TMEM203: variants seen among roughly 807,000 people sequenced by gnomAD.
The protein encoded by TMEM203 is HBeAg-binding protein 1.
Under a neutral mutation model 7.9 loss-of-function variants are expected in TMEM203, and 4 were observed. That is an observed-to-expected ratio of 0.51 (90% CI 0.25 to 1.16). The LOEUF (loss-of-function observed/expected upper bound fraction) is 1.16. TMEM203 is among the 50% of genes most tolerant of loss of function. The pLI is 0.15. For missense variants in TMEM203, 127 were observed against 174.4 expected (o/e 0.73, Z 1.53); for synonymous variants, 92 against 82.5 (o/e 1.11, Z -0.62).
In TMEM203 at chr9:137,205,622, C is replaced by T. The variant is rs530453032; in HGVS notation, c.-208G>A. On this transcript the variant is annotated 5_prime_UTR_variant, in exon 1 of 1. Coordinates refer to ENST00000343666, the MANE Select transcript of TMEM203 (RefSeq NM_053045.2). ...TCAACCCTGGCCGCCCGTGAACGCCCGCCTCGATCGGACGCCATGCCCCCA... is the reference window on the plus strand; with the variant it reads ...TCAACCCTGGCCGCCCGTGAACGCCTGCCTCGATCGGACGCCATGCCCCCA... 5 of 1,357,778 alleles carry T rather than the reference C, an allele frequency of 3.7e-6. No homozygotes were observed. The African/African-American group carries it at 5.9e-5, about 16-fold the overall frequency. The allele number at this position is 1,357,778 out of a possible 1,614,324, so 84.1% of individuals were successfully genotyped here.
Position 137,205,136 on chromosome 9 carries a change from G to C in TMEM203, c.279C>G (p.Leu93=), listed in dbSNP as rs775591653. 2.5e-6 allele frequency: 4 copies of C among 1,612,944 alleles called. No individual in the cohort carries two copies. The highest frequency in any genetic ancestry group is 3.4e-6 in the Non-Finnish European group (4 of 1,179,994). ...RLFWVLTVLS[L]KFVFEMLLCQ... ...ACAACAGCATCTCGAAGACGAACTT[G>C]AGACTCAGGACCGTAAGTACCCAGA... Residue 93 remains leucine, a synonymous_variant, in exon 1 of 1, where the codon CTC becomes CTG. Coordinates refer to ENST00000343666, the MANE Select transcript of TMEM203 (RefSeq NM_053045.2).
At position 137,204,825 on chromosome 9, in the gene TMEM203, C is replaced by T; in HGVS notation, c.*179G>A. 2.6e-6 allele frequency: 2 copies of T among 758,804 alleles called. No homozygotes were observed. The highest frequency in any genetic ancestry group is 1.8e-5 in the African/African-American group (1 of 56,910). 47.0% of individuals were successfully genotyped at this position (758,804 alleles called of 1,614,324 possible). ...TCAGGATGAAGGCTGCTCTTTTAAG[C>T]CCTGCTGAAGAAACCATTTCAAACA... On this transcript the variant is annotated 3_prime_UTR_variant, in exon 1 of 1. Transcript: ENST00000343666.
In TMEM203 at chr9:137,205,607, C is replaced by T; in HGVS notation, c.-193G>A. On this transcript the variant is annotated 5_prime_UTR_variant, in exon 1 of 1. Coordinates refer to ENST00000343666, the MANE Select transcript of TMEM203 (RefSeq NM_053045.2). ...GCCCCGACCCGGGACTCAACCCTGG[C>T]CGCCCGTGAACGCCCGCCTCGATCG... 9 of 1,298,784 alleles carry T rather than the reference C, an allele frequency of 6.9e-6. No homozygotes were observed. Among genetic ancestry groups the T allele is most frequent in the Non-Finnish European group, 9.4e-6 (9 of 957,298 alleles). 80.5% of individuals were successfully genotyped at this position (1,298,784 alleles called of 1,614,324 possible). A position where few individuals can be genotyped will look rare whatever the true frequency, so the allele number is the denominator to read the frequency against.
In TMEM203 at chr9:137,204,783, C is replaced by T. The variant is rs1230797344; in HGVS notation, c.*221G>A. 3 of 634,562 alleles carry T rather than the reference C, an allele frequency of 4.7e-6. No homozygotes were observed. The highest frequency in any genetic ancestry group is 3.7e-5 in the African/African-American group (2 of 54,692). The allele number at this position is 634,562 out of a possible 1,614,324, so 39.3% of individuals were successfully genotyped here. ...AGGATTATCTACTCAAAGCATTAAA[C>T]AAAAGGAAATACATTTTCAGGATGA... On this transcript the variant is annotated 3_prime_UTR_variant, in exon 1 of 1. Coordinates refer to ENST00000343666, the MANE Select transcript of TMEM203 (RefSeq NM_053045.2).
At position 137,205,240 on chromosome 9, in the gene TMEM203, G is replaced by A; in HGVS notation, c.175C>T (p.Leu59Phe). ...ACGATGGTGGTGAAGTAGGTGCTGAGCCCGTCAGCGGCGAAGAAAGGCACG... is the reference window on the plus strand; with the variant it reads ...ACGATGGTGGTGAAGTAGGTGCTGAACCCGTCAGCGGCGAAGAAAGGCACG... ...VFVPFFAADGLSTYFTTIVSV... is the reference protein window; with the variant it reads ...VFVPFFAADGFSTYFTTIVSV... The change falls in exon 1 of 1, where the codon CTC (leucine) becomes TTC (phenylalanine). Residue 59 changes from leucine to phenylalanine, a missense_variant. Leu to Phe is a conservative substitution (Grantham distance 22). Transcript: ENST00000343666. 1 of 1,611,736 alleles carries A rather than the reference G, an allele frequency of 6.2e-7. No individual in the cohort carries two copies. The highest frequency in any genetic ancestry group is 8.5e-7 in the Non-Finnish European group (1 of 1,179,386).
Position 137,205,188 on chromosome 9 carries a change from T to C in TMEM203, c.227A>G (p.Glu76Gly), listed in dbSNP as rs1834898369. 4 of 1,612,442 alleles carry C rather than the reference T, an allele frequency of 2.5e-6. No homozygotes were observed. Among genetic ancestry groups the C allele is most frequent in the Non-Finnish European group, 3.4e-6 (4 of 1,179,832 alleles). Residue 76 changes from glutamate to glycine, a missense_variant, in exon 1 of 1, where the codon GAG becomes GGG. Transcript: ENST00000343666. ...IVSVRLFQDGEKRLAVLRLFW... is the reference protein window; with the variant it reads ...IVSVRLFQDGGKRLAVLRLFW... ...AAGGCGGAGCACCGCCAGCCGCTTC[T>C]CTCCATCCTGGAAGAGGCGCACGGA...
Position 137,205,049 on chromosome 9 carries a change from G to A in TMEM203, c.366C>T (p.Phe122=), listed in dbSNP as rs373485185. The part of the protein sequence containing the change: ...LWFGLITSPL[F]ILLQLLMIRA... The stretch of plus-strand genomic sequence containing the variant: ...GGATCATGAGCAGCTGCAGGAGAAT[G>A]AAGAGCGGGGACGTAATGAGGCCGA... The change falls in exon 1 of 1, where the codon TTC becomes TTT. Residue 122 remains phenylalanine (F), a synonymous_variant. Coordinates refer to ENST00000343666, the MANE Select transcript of TMEM203 (RefSeq NM_053045.2). 9 of 1,612,532 alleles carry A rather than the reference G, an allele frequency of 5.6e-6. No individual in the cohort carries two copies. The highest frequency in any genetic ancestry group is 4.0e-5 in the African/African-American group (3 of 74,940).
At position 137,205,043 on chromosome 9, in the gene TMEM203, G is replaced by A. The variant is rs369971139; in HGVS notation, c.372C>T (p.Leu124=). The A allele has an allele frequency of 1.9e-6, 3 of 1,612,070 alleles. No homozygotes were observed. Among genetic ancestry groups the A allele is most frequent in the Non-Finnish European group, 2.5e-6 (3 of 1,179,398 alleles). Residue 124 remains leucine (L), a synonymous_variant, in exon 1 of 1, where the codon CTC becomes CTT. Coordinates refer to ENST00000343666, the MANE Select transcript of TMEM203 (RefSeq NM_053045.2). ...AGGCGCGGATCATGAGCAGCTGCAG[G>A]AGAATGAAGAGCGGGGACGTAATGA... is the stretch of plus-strand genomic sequence containing the variant. The part of the protein sequence containing the change: ...FGLITSPLFI[L]LQLLMIRACR...
Position 137,205,333 on chromosome 9 carries a change from C to T in TMEM203, c.82G>A (p.Val28Met), listed in dbSNP as rs1834902868. 6.2e-7 allele frequency: 1 copy of T among 1,609,746 alleles called. No individual in the cohort carries two copies. Among genetic ancestry groups the T allele is most frequent in the Non-Finnish European group, 8.5e-7 (1 of 1,178,562 alleles). The change falls in exon 1 of 1, where the codon GTG becomes ATG. Residue 28 changes from valine to methionine, a missense_variant. By Grantham distance (21) the Val-to-Met change is conservative (BLOSUM62 1). Coordinates refer to ENST00000343666, the MANE Select transcript of TMEM203 (RefSeq NM_053045.2). ...CGCAGTGCCAGCAGCACAGAGAACACCAACAGGGCCAGCAGGTGCACGAAG... is the reference window on the plus strand; with the variant it reads ...CGCAGTGCCAGCAGCACAGAGAACATCAACAGGGCCAGCAGGTGCACGAAG... The part of the protein sequence containing the change: ...EIFVHLLALL[V>M]FSVLLALRVD...
Position 137,204,684 on chromosome 9 carries a change from CTTATA to C in TMEM203, c.*315_*319del, listed in dbSNP as rs1354260267. 3 of 280,730 alleles carry C rather than the reference CTTATA, an allele frequency of 1.1e-5. No individual in the cohort carries two copies. Among genetic ancestry groups the C allele is most frequent in the African/African-American group, 2.2e-5 (1 of 46,308 alleles). The allele number at this position is 280,730 out of a possible 1,614,324, so 17.4% of individuals were successfully genotyped here. ...ACTCAGAGTCCACCTGGACATTTTA[CTTATA>C]TTCAGTTTCCAAGTGTCAGAGGGGT... On this transcript the variant is annotated 3_prime_UTR_variant, in exon 1 of 1. Coordinates refer to ENST00000343666, the MANE Select transcript of TMEM203 (RefSeq NM_053045.2).
rs1439362999 is a variant in TMEM203 at position 137,205,261 on chromosome 9, GCACGAA to G, written c.148_153del (p.Phe50_Val51del). ...CTGAGCCCGTCAGCGGCGAAGAAAG[GCACGAA>G]CACGTTCCACCAGGAGAGGCCCGGG... On this transcript the variant is annotated inframe_deletion, in exon 1 of 1. Transcript: ENST00000343666. The G allele has an allele frequency of 6.2e-7, 1 of 1,611,380 alleles. No individual in the cohort carries two copies. The highest frequency in any genetic ancestry group is 8.5e-7 in the Non-Finnish European group (1 of 1,179,284).
chr9:137,204,776 C>T lies in TMEM203; in HGVS notation c.*228G>A, dbSNP rs1834886711. Reference sequence around the variant, plus strand: ...TCAATTCAGGATTATCTACTCAAAGCATTAAACAAAAGGAAATACATTTTC... The same window carrying T: ...TCAATTCAGGATTATCTACTCAAAGTATTAAACAAAAGGAAATACATTTTC... On this transcript the variant is annotated 3_prime_UTR_variant, in exon 1 of 1. Transcript: ENST00000343666. 1.6e-6 allele frequency: 1 copy of T among 611,818 alleles called. No homozygotes were observed. 37.9% of individuals were successfully genotyped at this position (611,818 alleles called of 1,614,324 possible). A position where few individuals can be genotyped will look rare whatever the true frequency, so the allele number is the denominator to read the frequency against.
In TMEM203 at chr9:137,204,873, C is replaced by T; in HGVS notation, c.*131G>A. 2.4e-6 allele frequency: 3 copies of T among 1,251,976 alleles called. No individual in the cohort carries two copies. The highest frequency in any genetic ancestry group is 3.2e-6 in the Non-Finnish European group (3 of 927,844). 77.6% of individuals were successfully genotyped at this position (1,251,976 alleles called of 1,614,324 possible). The stretch of plus-strand genomic sequence containing the variant: ...ACAGGATTGGAATAGGGAAACCCGG[C>T]ACTCAGCTCGGCGCAAGCCGGCGGT... On this transcript the variant is annotated 3_prime_UTR_variant, in exon 1 of 1. Transcript: ENST00000343666.
rs1288873223 is a variant in TMEM203, at chr9:137,204,539, A to C, written c.*465T>G. On this transcript the variant is annotated 3_prime_UTR_variant, in exon 1 of 1. Coordinates refer to ENST00000343666, the MANE Select transcript of TMEM203 (RefSeq NM_053045.2). ...TAGATCTAACAAAGGCATCTACCGA[A>C]GTCTGGTCTGGATAGACGGCACAGG... The C allele has an allele frequency of 6.3e-6, 1 of 157,872 alleles. No individual in the cohort carries two copies. The highest frequency in any genetic ancestry group is 2.4e-5 in the African/African-American group (1 of 41,550). 9.8% of individuals were successfully genotyped at this position (157,872 alleles called of 1,614,324 possible).
chr9:137,205,055 C>G lies in TMEM203; in HGVS notation c.360G>C (p.Pro120=). 6.2e-7 allele frequency: 1 copy of G among 1,612,738 alleles called. No individual in the cohort carries two copies. Among genetic ancestry groups the G allele is most frequent in the Non-Finnish European group, 8.5e-7 (1 of 1,179,868 alleles). The change falls in exon 1 of 1, where the codon CCG becomes CCC. Residue 120 remains proline, a synonymous_variant. Transcript: ENST00000343666. The stretch of plus-strand genomic sequence containing the variant: ...TGAGCAGCTGCAGGAGAATGAAGAG[C>G]GGGGACGTAATGAGGCCGAACCAGA... ...RELWFGLITS[P]LFILLQLLMI... is the part of the protein sequence containing the mutation.
rs1254403598 is a variant in TMEM203 at position 137,204,906 on chromosome 9, G to C, written c.*98C>G. On this transcript the variant is annotated 3_prime_UTR_variant, in exon 1 of 1. Transcript: ENST00000343666. ...TCGGCGCAAGCCGGCGGTGCCTTCA[G>C]ACTAGAGAGCCTCTCCTCCGGTGCG... The C allele has an allele frequency of 2.7e-6, 4 of 1,463,690 alleles. No homozygotes were observed. The highest frequency in any genetic ancestry group is 1.4e-5 in the African/African-American group (1 of 70,632). 90.7% of individuals were successfully genotyped at this position (1,463,690 alleles called of 1,614,324 possible).
At position 137,205,306 on chromosome 9, in the gene TMEM203, C is replaced by T; in HGVS notation, c.109G>A (p.Val37Met). ...LVFSVLLALRVDGLVPGLSWW... is the reference protein window; with the variant it reads ...LVFSVLLALRMDGLVPGLSWW... Reference sequence around the variant, plus strand: ...GAGAGGCCCGGGACCAGGCCATCCACACGCAGTGCCAGCAGCACAGAGAAC... The same window carrying T: ...GAGAGGCCCGGGACCAGGCCATCCATACGCAGTGCCAGCAGCACAGAGAAC... The change falls in exon 1 of 1, where the codon GTG becomes ATG. Residue 37 changes from valine to methionine, a missense_variant. By Grantham distance (21) the Val-to-Met change is conservative (BLOSUM62 1). Coordinates refer to ENST00000343666, the MANE Select transcript of TMEM203 (RefSeq NM_053045.2). 3 of 1,611,182 alleles carry T rather than the reference C, an allele frequency of 1.9e-6. No homozygotes were observed. The highest frequency in any genetic ancestry group is 2.5e-6 in the Non-Finnish European group (3 of 1,179,096).
In TMEM203 at chr9:137,204,746, T is replaced by C; in HGVS notation, c.*258A>G. The C allele has an allele frequency of 4.0e-6, 2 of 498,544 alleles. No individual in the cohort carries two copies. The highest frequency in any genetic ancestry group is 7.0e-6 in the Non-Finnish European group (2 of 283,764). 30.9% of individuals were successfully genotyped at this position (498,544 alleles called of 1,614,324 possible). ...CTGTCTGGCCTGGGGGGCCTCCTCATGACCTCAATTCAGGATTATCTACTC... is the reference window on the plus strand; with the variant it reads ...CTGTCTGGCCTGGGGGGCCTCCTCACGACCTCAATTCAGGATTATCTACTC... On this transcript the variant is annotated 3_prime_UTR_variant, in exon 1 of 1. Coordinates refer to ENST00000343666, the MANE Select transcript of TMEM203 (RefSeq NM_053045.2).
In TMEM203 at chr9:137,205,416, G is replaced by C; in HGVS notation, c.-2C>G. 6.4e-7 allele frequency: 1 copy of C among 1,557,668 alleles called. No homozygotes were observed. ...CAGCTCCCGGAGCGAGAAGAGCATCGCGCCCGTTGAGCGCGGGCCGGGGCC... is the reference window on the plus strand; with the variant it reads ...CAGCTCCCGGAGCGAGAAGAGCATCCCGCCCGTTGAGCGCGGGCCGGGGCC... On this transcript the variant is annotated 5_prime_UTR_variant, in exon 1 of 1. Transcript: ENST00000343666.
Sources: gnomAD v4.1 joint callset for allele counts on GRCh38, gnomAD v4.1.1 for gene constraint, MANE v1.5 for transcripts, NCBI Gene and HGNC (gene_info 2026-07-23, HGNC 2026-07-21) for gene names.